Variants in SAMD11 observed in about 807,000 individuals in gnomAD.
SAMD11 encodes sterile alpha motif domain containing 11.
Under a neutral mutation model 64.4 loss-of-function variants are expected in SAMD11, and 77 were observed. That is an observed-to-expected ratio of 1.20 (90% CI 0.99 to 1.44). The LOEUF is 1.44. Ranked by LOEUF, SAMD11 falls within the 40% of genes most tolerant of loss-of-function variation. SAMD11 has a pLI of 0.00. For missense variants in SAMD11, 1,402 were observed against 943.3 expected, an observed-to-expected ratio of 1.49 and a Z score of -6.37; for synonymous variants, 658 against 421.9, an observed-to-expected ratio of 1.56 and a Z score of -6.86.
Position 935,749 on chromosome 1 carries a change from C to T in SAMD11, c.843-23C>T, listed in dbSNP as rs199926237. On this transcript the variant is annotated intron_variant, in intron 4 of 13. Transcript: ENST00000616016. ...GCCTCGCAGCTGCCCACGGGGTCAGCTTTTCCCGGTCTCGTTCTGCAGCCA... is the reference window on the plus strand; with the variant it reads ...GCCTCGCAGCTGCCCACGGGGTCAGTTTTTCCCGGTCTCGTTCTGCAGCCA... 318 of 1,612,928 alleles carry T rather than the reference C, an allele frequency of 2.0e-4. 1 individual carries two copies. In the African/African-American group the frequency reaches 3.9e-3, roughly 20 times the overall value.
intron 5 of SAMD11, among the ~76,000 whole-genome samples, chr1:936,999 G>T (rs902108200): frequency 2.0e-5 from 3 of 152,152 alleles, no homozygotes; most frequent in African/African-American, 4.8e-5. Context: ...CGTGATGGGG[G>T]TTGCCCGGCA....
Position 942,608 on chromosome 1 carries a change from C to T in SAMD11, c.1603C>T (p.Arg535Cys). 1.4e-6 allele frequency: 2 copies of T among 1,436,464 alleles called. No individual in the cohort carries two copies. The highest frequency in any genetic ancestry group is 2.9e-5 in the Admixed American group (1 of 34,690). 89.0% of individuals were successfully genotyped at this position (1,436,464 alleles called of 1,614,324 possible). ...LLRQKELESA[R>C]PQLLAPETAL... ...GCGGCAGAAGGAGCTGGAGAGCGCG[C>T]GCCCACAGCTGCTGGCGCCCGAGAC... Residue 535 changes from arginine (R) to cysteine (C), a missense_variant, in exon 11 of 14, where the codon CGC becomes TGC. By Grantham distance (180) the Arg-to-Cys change is radical. Coordinates refer to ENST00000616016, the MANE Select transcript of SAMD11 (RefSeq NM_001385641.1).
rs543921925 is a variant in SAMD11 at position 930,055 on chromosome 1, C to G, written c.610-100C>G. On this transcript the variant is annotated intron_variant, in intron 2 of 13. Transcript: ENST00000616016. ...CCTGGGGTGCGAGACCAGGGCAGAC[C>G]CCCGGGAGATGGAACGGCCCGGTCC... 7,067 of 1,378,404 alleles carry G rather than the reference C, an allele frequency of 5.1e-3. 69 individuals carry two copies. Among genetic ancestry groups the G allele is most frequent in the South Asian group, 0.033 (2,288 of 69,776 alleles). The allele number at this position is 1,378,404 out of a possible 1,614,324, so 85.4% of individuals were successfully genotyped here.
chr1:943,063 G>A lies in SAMD11; in HGVS notation c.2053+5G>A. ...TCAGCCCCTACTTCCACACAGGTGGGCACCCCCACACTCTAGATCCTTCCA... is the reference window on the plus strand; with the variant it reads ...TCAGCCCCTACTTCCACACAGGTGGACACCCCCACACTCTAGATCCTTCCA... On this transcript the variant is annotated splice_donor_5th_base_variant and intron_variant, in intron 11 of 13. Coordinates refer to ENST00000616016, the MANE Select transcript of SAMD11 (RefSeq NM_001385641.1). 1.3e-6 allele frequency: 2 copies of A among 1,535,210 alleles called. No homozygotes were observed. Among genetic ancestry groups the A allele is most frequent in the African/African-American group, 1.4e-5 (1 of 72,162 alleles).
chr1:943,386 G>A lies in SAMD11; in HGVS notation c.2178+9G>A, dbSNP rs1383581964. 2.0e-6 allele frequency: 3 copies of A among 1,529,856 alleles called. No individual in the cohort carries two copies. Among genetic ancestry groups the A allele is most frequent in the Admixed American group, 2.1e-5 (1 of 48,348 alleles). The allele number at this position is 1,529,856 out of a possible 1,614,324, so 94.8% of individuals were successfully genotyped here. ...GTGGAGAGTACACTCGGGTAAGGGG[G>A]GGCCCCAGTTCCTGGGGCGGGGCTG... is the stretch of plus-strand genomic sequence containing the variant. On this transcript the variant is annotated intron_variant, in intron 12 of 13. Transcript: ENST00000616016.
chr1:931,313 C>G lies in SAMD11; in HGVS notation c.842+224C>G, dbSNP rs563717065. Among the ~76,000 whole-genome samples the G allele has an allele frequency of 2.6e-5, 4 of 152,332 alleles. No individual in the cohort carries two copies. The South Asian group carries it at 8.3e-4, about 32-fold the overall frequency. ...GGGACTGAGGGACCCCAGACCCAGT[C>G]AGATGCAGCTCTCGGCAGCAGCTCA... On this transcript the variant is annotated intron_variant, in intron 4 of 13. Transcript: ENST00000616016.
chr1:939,268 C>T lies in SAMD11; in HGVS notation c.1058-7C>T, dbSNP rs1316280412. On this transcript the variant is annotated splice_region_variant and splice_polypyrimidine_tract_variant and intron_variant, in intron 6 of 13. Coordinates refer to ENST00000616016, the MANE Select transcript of SAMD11 (RefSeq NM_001385641.1). ...AGAAACCTCTCACCCCGGGTCCTCC[C>T]CAGCAGAGGCGCTGCTGCTGCCGCG... 1.1e-5 allele frequency: 17 copies of T among 1,591,486 alleles called. No homozygotes were observed. Among genetic ancestry groups the T allele is most frequent in the Non-Finnish European group, 1.5e-5 (17 of 1,169,538 alleles).
At chr1:943,161 C>G in intron 11 of SAMD11, 92 bp from the exon 12 acceptor site, 1 of 1,595,066 alleles carries the variant, frequency 6.3e-7, no homozygotes, top group Non-Finnish European at 8.5e-7. Flanking sequence ...GGCACCCATC[C>G]CCCACCTCAG....
At chr1:942,094 C>G (rs1223894982) in intron 8 of SAMD11, 42 bp from the exon 9 acceptor site, 1 of 583,522 alleles carries the variant, frequency 1.7e-6, no homozygotes, top group Non-Finnish European at 2.8e-6. Context: ...TTTACGGGAA[C>G]GGGGGCGGGG....
chr1:941,167 G>A lies in SAMD11; in HGVS notation c.1219G>A (p.Val407Met), dbSNP rs367710686. Residue 407 changes from valine (V) to methionine (M), a missense_variant, in exon 8 of 14, where the codon GTG (valine) becomes ATG (methionine). Transcript: ENST00000616016. ...SHDLLRVRQE[V>M]AAAALRGPSG... The stretch of plus-strand genomic sequence containing the variant: ...AGATCTCCTGAGGGTCCGGCAGGAG[G>A]TGGCGGCTGCAGCTCTGAGGGGCCC... 33 of 1,601,546 alleles carry A rather than the reference G, an allele frequency of 2.1e-5. No homozygotes were observed. Among genetic ancestry groups the A allele is most frequent in the Non-Finnish European group, 2.8e-5 (33 of 1,175,128 alleles).
At position 942,580 on chromosome 1, in the gene SAMD11, C is replaced by T. The variant is rs751368019; in HGVS notation, c.1575C>T (p.Leu525=). The stretch of plus-strand genomic sequence containing the variant: ...CCAGGCTGGAGCTGCCCGCCGACCT[C>T]CTGCGGCAGAAGGAGCTGGAGAGCG... ...NLARLELPAD[L]LRQKELESAR... is the part of the protein sequence containing the mutation. Residue 525 remains leucine (L), a synonymous_variant, in exon 11 of 14, where the codon CTC becomes CTT. Transcript: ENST00000616016. 96 of 1,413,910 alleles carry T rather than the reference C, an allele frequency of 6.8e-5. No homozygotes were observed. The highest frequency in any genetic ancestry group is 8.2e-5 in the Non-Finnish European group (90 of 1,092,790). 87.6% of individuals were successfully genotyped at this position (1,413,910 alleles called of 1,614,324 possible).
At chr1:925,621 G>A in intron 1 of SAMD11, 2 of 299,054 alleles carry the variant, frequency 6.7e-6, no homozygotes, top group Non-Finnish European at 1.3e-5. Context: ...TCTGGGCCCG[G>A]CCTGCGGTTC....
At chr1:925,333 CG>C (rs1640825788) in intron 1 of SAMD11, 1 of 150,686 alleles carries the variant, frequency 6.6e-6, no homozygotes, top group South Asian at 1.8e-4. Flanking sequence ...TGCGAGCGCG[CG>C]GCGGGGGAGG....
chr1:927,567 C>T (rs527970266), intron 2 of SAMD11, among the ~76,000 whole-genome samples: 19 of 152,346 alleles, frequency 1.2e-4, no homozygotes, highest in Non-Finnish European at 2.2e-4. Flanking sequence ...TCCAGGGGCC[C>T]CTTCTTTCCA....
chr1:939,031 C>A lies in SAMD11; in HGVS notation c.968-9C>A. 6.3e-7 allele frequency: 1 copy of A among 1,589,910 alleles called. No homozygotes were observed. The highest frequency in any genetic ancestry group is 8.6e-7 in the Non-Finnish European group (1 of 1,168,126). On this transcript the variant is annotated splice_polypyrimidine_tract_variant and intron_variant, in intron 5 of 13. Coordinates refer to ENST00000616016, the MANE Select transcript of SAMD11 (RefSeq NM_001385641.1). Reference sequence around the variant, plus strand: ...GAGATGCAGGTGGGCACTCACTACCCTCCCGCAGGTGACCTGTTGGGCAAG... The same window carrying A: ...GAGATGCAGGTGGGCACTCACTACCATCCCGCAGGTGACCTGTTGGGCAAG...
intron 5 of SAMD11, among the ~76,000 whole-genome samples, chr1:938,547 G>A (rs1471969995): frequency 6.6e-6 from 1 of 152,308 alleles, no homozygotes; most frequent in Middle Eastern, 3.4e-3. Flanking sequence ...GCCTCGAGGC[G>A]GCCTGGGGGG....
intron 4 of SAMD11, among the ~76,000 whole-genome samples, chr1:931,921 T>C (rs1410748826): frequency 6.6e-6 from 1 of 152,054 alleles, no homozygotes; most frequent in Non-Finnish European, 1.5e-5. Flanking sequence ...GTCAATGGGG[T>C]CAGGTCTCAC....
At position 944,096 on chromosome 1, in the gene SAMD11, G is replaced by C. The variant is rs776052229; in HGVS notation, c.2478G>C (p.Glu826Asp). The change falls in exon 14 of 14, where the codon GAG becomes GAC. Residue 826 changes from glutamate to aspartate, a missense_variant. Physicochemically the swap from Glu to Asp is conservative, Grantham distance 45. Transcript: ENST00000616016. ...ALAGQTSPKQ[E>D]NGTLALLPGA... is the part of the protein sequence containing the mutation. ...CCGGTCAAACTTCACCCAAGCAGGA[G>C]AATGGGACCTTGGCTCTACTTCCAG... 1.2e-6 allele frequency: 2 copies of C among 1,611,788 alleles called. No homozygotes were observed. Among genetic ancestry groups the C allele is most frequent in the Non-Finnish European group, 8.5e-7 (1 of 1,179,410 alleles).
chr1:931,263 G>C (rs1338212948), intron 4 of SAMD11, among the ~76,000 whole-genome samples, 174 bp downstream of exon 4: 1 of 151,982 alleles, frequency 6.6e-6, no homozygotes, highest in African/African-American at 2.4e-5. Context: ...CCCATCCCGG[G>C]AGGCAGACAG....
Sources: gnomAD v4.1 joint callset for allele counts (sites outside exome capture counted in the v4.1 genomes callset) on GRCh38, gnomAD v4.1.1 for gene constraint, MANE v1.5 for transcripts, NCBI Gene and HGNC (gene_info 2026-07-23, HGNC 2026-07-21) for gene names.